RGS3: variants seen among roughly 807,000 people sequenced by gnomAD.
RGS3 encodes the protein regulator of G-protein signalling 3.
A neutral mutation model predicts 132.6 loss-of-function variants in RGS3; 80 were observed. The observed-to-expected ratio is 0.60, with a 90% CI of 0.50 to 0.73. The LOEUF (loss-of-function observed/expected upper bound fraction) is 0.73, where lower values mean the gene tolerates loss of function less well. Among genes scored for constraint, RGS3 ranks in the 30% least tolerant of loss-of-function variants. RGS3 has a pLI of 0.00. For missense variants in RGS3, 1,382 were observed against 1,530.8 expected (o/e 0.90, Z 1.62); for synonymous variants, 598 against 620.6 (o/e 0.96, Z 0.54).
rs376302045 is a variant in RGS3, at chr9:113,584,030, A to C, written c.2618A>C (p.Gln873Pro). ...TACAGCCAGAAGGCAGGGGCAGAGCAGGGCTGCTCGGGAGATGAGGAGGAT... is the reference window on the plus strand; with the variant it reads ...TACAGCCAGAAGGCAGGGGCAGAGCCGGGCTGCTCGGGAGATGAGGAGGAT... Residue 873 changes from glutamine to proline, a missense_variant, in exon 20 of 25, where the codon CAG becomes CCG. By Grantham distance (76) the Gln-to-Pro change is moderately conservative. Transcript: ENST00000350696. The C allele has an allele frequency of 7.4e-6, 12 of 1,614,036 alleles. No homozygotes were observed. In the African/African-American group the frequency reaches 1.1e-4, roughly 14 times the overall value.
intron 19 of RGS3, among the ~76,000 whole-genome samples, chr9:113,558,891 G>A (rs1588248077): frequency 6.6e-6 from 1 of 152,344 alleles, no homozygotes; most frequent in African/African-American, 2.4e-5. Flanking sequence ...CAAGCAGCCT[G>A]TGAACCCATA....
intron 3 of RGS3, among the ~76,000 whole-genome samples, chr9:113,477,749 C>G (rs1830038127): frequency 6.6e-6 from 1 of 152,178 alleles, no homozygotes; most frequent in Admixed American, 6.5e-5. Context: ...ACAATCAGAG[C>G]TCTTTCAAAA....
chr9:113,475,123 T>C (rs955278263), intron 3 of RGS3, among the ~76,000 whole-genome samples: 6 of 152,344 alleles, frequency 3.9e-5, no homozygotes, highest in Admixed American at 1.3e-4. Flanking sequence ...CCATCCAGTA[T>C]TTTTCCTGCC....
rs1266280767 is a variant in RGS3, at chr9:113,579,966, C to T, written c.2038-3484C>T. Among the ~76,000 whole-genome samples the T allele has an allele frequency of 2.0e-5, 3 of 152,192 alleles. No homozygotes were observed. Among genetic ancestry groups the T allele is most frequent in the African/African-American group, 7.2e-5 (3 of 41,446 alleles). ...GCAACCTCCCCCTCATCTTTGCCTC[C>T]CCTCCTGCCCTAATTTTCTCCTACA... On this transcript the variant is annotated intron_variant, in intron 19 of 24. Transcript: ENST00000350696. This position sits in a 1 kb window ranked among gnomAD's most constrained non-coding sequence, Gnocchi z 4.3.
At chr9:113,517,766 A>G in intron 16 of RGS3, 142 bp downstream of exon 14, 1 of 602,690 alleles carries the variant, frequency 1.7e-6, no homozygotes, top group Non-Finnish European at 2.9e-6. Context: ...GGACCCCGCC[A>G]CTCTCCCTAG....
At chr9:113,491,440 G>C (rs1189171045) in intron 7 of RGS3, among the ~76,000 whole-genome samples, 1 of 151,526 alleles carries the variant, frequency 6.6e-6, no homozygotes, top group African/African-American at 2.4e-5. Context: ...TAGTAGAGAT[G>C]GGGTTTCACC....
At chr9:113,488,960 G>A (rs1830423560) in intron 7 of RGS3, among the ~76,000 whole-genome samples, 2 of 152,220 alleles carry the variant, frequency 1.3e-5, no homozygotes, top group African/African-American at 4.8e-5. Flanking sequence ...CCTCTCTGAA[G>A]GATGGACATT....
intron 19 of RGS3, chr9:113,541,284 A>G: frequency 6.2e-7 from 1 of 1,603,338 alleles, no homozygotes; most frequent in South Asian, 1.1e-5. Context: ...GCCTGAGTAG[A>G]CAGCGAGCTA....
chr9:113,530,279 A>G (rs939880022), intron 18 of RGS3, among the ~76,000 whole-genome samples: 2 of 152,180 alleles, frequency 1.3e-5, no homozygotes, highest in Non-Finnish European at 2.9e-5. Context: ...CCCCTGGAGG[A>G]GAAGACAGTT....
exon 17 of RGS3, chr9:113,523,010 C>A (rs765932012): frequency 6.2e-7 from 1 of 1,613,928 alleles, no homozygotes; most frequent in Admixed American, 1.7e-5. Context: ...TGAGGAACCC[C>A]CTCTACCTCC....
At chr9:113,553,829 G>T (rs1450932326) in intron 19 of RGS3, among the ~76,000 whole-genome samples, 1 of 152,028 alleles carries the variant, frequency 6.6e-6, no homozygotes, top group Non-Finnish European at 1.5e-5. Context: ...GGCGACAAGA[G>T]AGAAACTCCG....
chr9:113,506,626 T>C lies in RGS3; in HGVS notation c.1085+133T>C, dbSNP rs1019005091. ...CTAGCTGTGAGCAGGCAATTCCTTT[T>C]GCTCTTCAAGGAATCTGTTTCTTGG... On this transcript the variant is annotated intron_variant, in intron 12 of 24. Coordinates refer to ENST00000350696, the Ensembl canonical transcript of RGS3. This position sits in a 1 kb window ranked among gnomAD's most constrained non-coding sequence, Gnocchi z 4.7. 18 of 631,348 alleles carry C rather than the reference T, an allele frequency of 2.9e-5. No homozygotes were observed. Among genetic ancestry groups the C allele is most frequent in the Non-Finnish European group, 2.6e-5 (9 of 350,200 alleles). 39.1% of individuals were successfully genotyped at this position (631,348 alleles called of 1,614,324 possible).
chr9:113,515,942 T>C (rs1217388376), intron 15 of RGS3, among the ~76,000 whole-genome samples: 1 of 152,258 alleles, frequency 6.6e-6, no homozygotes, highest in Non-Finnish European at 1.5e-5. Context: ...AACCCTGTGA[T>C]GAAAATCCTT....
chr9:113,551,457 A>T (rs1250563237), intron 19 of RGS3, among the ~76,000 whole-genome samples: 1 of 152,130 alleles, frequency 6.6e-6, no homozygotes, highest in Non-Finnish European at 1.5e-5. Context: ...TTTTGTATGG[A>T]CATATATTTT....
chr9:113,583,899 T>C (rs781398387), exon 20 of RGS3: 1 of 1,614,040 alleles, frequency 6.2e-7, no homozygotes, highest in Non-Finnish European at 8.5e-7. Context: ...CCAAGGCCCT[T>C]ACTGAGGACA....
chr9:113,451,340 G>T (rs191483177), intron 1 of RGS3, among the ~76,000 whole-genome samples: 2 of 152,138 alleles, frequency 1.3e-5, no homozygotes, highest in African/African-American at 4.8e-5. Flanking sequence ...GAGAAGGTTT[G>T]GGATCCCTGG....
intron 19 of RGS3, among the ~76,000 whole-genome samples, chr9:113,549,711 A>G (rs1833251604): frequency 6.6e-6 from 1 of 152,174 alleles, no homozygotes; most frequent in Admixed American, 6.5e-5. Context: ...TTTCTCCCCC[A>G]TTTAACAGCG....
At chr9:113,552,320 T>C (rs2118750549) in intron 19 of RGS3, among the ~76,000 whole-genome samples, 1 of 152,260 alleles carries the variant, frequency 6.6e-6, no homozygotes, top group Non-Finnish European at 1.5e-5. Flanking sequence ...CATTTATTTA[T>C]TTATTTATTT....
intron 7 of RGS3, among the ~76,000 whole-genome samples, chr9:113,490,317 C>T (rs1830467114): frequency 6.6e-6 from 1 of 152,020 alleles, no homozygotes; most frequent in Admixed American, 6.6e-5. Flanking sequence ...ATTTACACCC[C>T]ATCCACTTTC....
Sources: allele counts gnomAD v4.1 joint callset (sites outside exome capture counted in the v4.1 genomes callset), GRCh38; gene constraint gnomAD v4.1.1; non-coding constraint Gnocchi (gnomAD v3.1); transcripts MANE v1.5; gene names NCBI Gene and HGNC (gene_info 2026-07-23, HGNC 2026-07-21).